CDH3: variants seen among roughly 807,000 people sequenced by gnomAD.
CDH3 encodes the protein cadherin 3.
A neutral mutation model predicts 82.0 loss-of-function variants in CDH3; 54 were observed. The observed-to-expected ratio is 0.66, with a 90% CI of 0.53 to 0.83. CDH3 has a LOEUF of 0.83. CDH3 is among the 40% of genes least tolerant of loss of function. CDH3 has a pLI of 0.00. For missense variants in CDH3, 1,054 were observed against 1,084.6 expected (o/e 0.97, Z 0.40); for synonymous variants, 446 against 437.9 (o/e 1.02, Z -0.23).
chr16:68,703,680 C>T (rs943495471), downstream of CDH3, among the ~76,000 whole-genome samples: 2 of 152,154 alleles, frequency 1.3e-5, no homozygotes, highest in Admixed American at 6.5e-5. Flanking sequence ...GGCATGGTGG[C>T]TCACACCTGT....
intron 14 of CDH3, 122 bp from the exon 15 acceptor site, chr16:68,695,655 C>T (rs1961698652): frequency 2.6e-6 from 3 of 1,170,160 alleles, no homozygotes; most frequent in African/African-American, 1.5e-5. Context: ...CATCATCTGT[C>T]TTGTAAGACC....
downstream of CDH3, among the ~76,000 whole-genome samples, chr16:68,705,103 C>T (rs79433459): frequency 1.6e-4 from 24 of 152,060 alleles, no homozygotes; most frequent in Admixed American, 5.9e-4. Flanking sequence ...TGGCCACATA[C>T]GATCAGGAAG....
At chr16:68,646,839 T>TC (rs1249741748) in intron 2 of CDH3, among the ~76,000 whole-genome samples, 12 of 152,258 alleles carry the variant, frequency 7.9e-5, no homozygotes, top group Middle Eastern at 3.4e-3. Flanking sequence ...TTCTAAAGTC[T>TC]CCATCAACTT....
chr16:68,705,652 C>T (rs570672042), intron 1 of CDH3, among the ~76,000 whole-genome samples: 1 of 151,716 alleles, frequency 6.6e-6, no homozygotes, highest in South Asian at 2.1e-4. Context: ...GAATTCCTGA[C>T]CTCAGGTGAT....
At chr16:68,655,749 C>T (rs749554127) in intron 2 of CDH3, among the ~76,000 whole-genome samples, 3 of 152,048 alleles carry the variant, frequency 2.0e-5, no homozygotes, top group Non-Finnish European at 4.4e-5. Flanking sequence ...GTAATCCCAG[C>T]TTACTCAGGA....
Position 68,685,190 on chromosome 16 carries a change from A to C in CDH3, c.1425-15A>C. ...AAATATTCTGGATGTACTCGTCTCA[A>C]CTTTTCCTCTCCAGCTACCGCATCC... is the stretch of plus-strand genomic sequence containing the variant. On this transcript the variant is annotated splice_polypyrimidine_tract_variant and intron_variant, in intron 10 of 15. Coordinates refer to ENST00000264012, the MANE Select transcript of CDH3 (RefSeq NM_001793.6). 1 of 1,613,922 alleles carries C rather than the reference A, an allele frequency of 6.2e-7. No homozygotes were observed. Among genetic ancestry groups the C allele is most frequent in the Non-Finnish European group, 8.5e-7 (1 of 1,179,982 alleles).
chr16:68,713,789 A>G (rs1182509021), intron 1 of CDH3, among the ~76,000 whole-genome samples: 8 of 151,890 alleles, frequency 5.3e-5, no homozygotes, highest in Non-Finnish European at 1.0e-4. Context: ...ACACAGCCAC[A>G]CTGGGCAATG....
chr16:68,692,023 C>T, intron 13 of CDH3, 97 bp downstream of exon 13: 2 of 909,932 alleles, frequency 2.2e-6, no homozygotes, highest in Non-Finnish European at 3.4e-6. Flanking sequence ...AGGCCACCAA[C>T]ATTGCCCGTC....
intron 2 of CDH3, among the ~76,000 whole-genome samples, chr16:68,664,825 AT>A (rs1285454420): frequency 6.6e-6 from 1 of 151,726 alleles, no homozygotes; most frequent in African/African-American, 2.4e-5. Flanking sequence ...CTCCCAGCTA[AT>A]TTTGGTAGAG....
In CDH3 at chr16:68,657,178, C is replaced by A. The variant is rs115081813; in HGVS notation, c.160+11428C>A. 3.1e-3 allele frequency among the ~76,000 whole-genome samples: 473 copies of A among 152,228 alleles called. 6 individuals carry two copies. Among genetic ancestry groups the A allele is most frequent in the East Asian group, 0.02 (104 of 5,162 alleles). The stretch of plus-strand genomic sequence containing the variant: ...TGCTGGACTTAAGAGTGTTGGGGAC[C>A]TGCTGCTTGGGCAGTGAACCAGAAT... On this transcript the variant is annotated intron_variant, in intron 2 of 15. Transcript: ENST00000264012.
At chr16:68,684,974 C>T in intron 10 of CDH3, 150 bp downstream of exon 10, 1 of 1,175,082 alleles carries the variant, frequency 8.5e-7, no homozygotes, top group Admixed American at 1.9e-5. Context: ...CTCTTTGAGG[C>T]TGAAGACTGA....
chr16:68,702,893 G>A (rs570844856), downstream of CDH3, among the ~76,000 whole-genome samples: 21 of 152,098 alleles, frequency 1.4e-4, no homozygotes, highest in Non-Finnish European at 2.5e-4. Context: ...CTTACTGGAA[G>A]AAGGGGTCAG....
chr16:68,675,688 G>A (rs1567446521), intron 2 of CDH3, among the ~76,000 whole-genome samples: 1 of 152,042 alleles, frequency 6.6e-6, no homozygotes, highest in African/African-American at 2.4e-5. Context: ...CAGCTACTCA[G>A]GAGGTTGAGG....
At chr16:68,651,874 G>A (rs1197060519) in intron 2 of CDH3, 5 of 474,434 alleles carry the variant, frequency 1.1e-5, no homozygotes, top group Non-Finnish European at 1.7e-5. Flanking sequence ...TCCTTCTGGG[G>A]GTCATATCTG....
At chr16:68,711,565 G>A (rs1331661366) in intron 1 of CDH3, among the ~76,000 whole-genome samples, 1 of 152,116 alleles carries the variant, frequency 6.6e-6, no homozygotes, top group African/African-American at 2.4e-5. Flanking sequence ...GTATGGTGCC[G>A]GTTTCCCACA....
chr16:68,689,584 C>T (rs1192889668), intron 12 of CDH3, among the ~76,000 whole-genome samples: 3 of 151,334 alleles, frequency 2.0e-5, no homozygotes, highest in Non-Finnish European at 4.4e-5. Context: ...CCCATTTAGT[C>T]ACCACTGCCA....
At chr16:68,646,342 C>A (rs1960062066) in intron 2 of CDH3, among the ~76,000 whole-genome samples, 1 of 152,186 alleles carries the variant, frequency 6.6e-6, no homozygotes, top group African/African-American at 2.4e-5. Flanking sequence ...GGGCTGGGGC[C>A]ATCACGTACG....
chr16:68,702,585 T>C (rs1305760086), downstream of CDH3, among the ~76,000 whole-genome samples: 1 of 152,092 alleles, frequency 6.6e-6, no homozygotes, highest in Non-Finnish European at 1.5e-5. Flanking sequence ...AGTGGAGCTT[T>C]GGCCAGGTGT....
intron 2 of CDH3, among the ~76,000 whole-genome samples, chr16:68,673,709 G>A (rs1960955686): frequency 6.6e-6 from 1 of 152,142 alleles, no homozygotes; most frequent in African/African-American, 2.4e-5. Context: ...TGGATTGCTT[G>A]AGGCCAGGAG....
Sources: allele counts gnomAD v4.1 joint callset (sites outside exome capture counted in the v4.1 genomes callset), GRCh38; gene constraint gnomAD v4.1.1; transcripts MANE v1.5; gene names NCBI Gene and HGNC (gene_info 2026-07-23, HGNC 2026-07-21).